Variants in ACBD6 observed in about 807,000 individuals in gnomAD.
The protein encoded by ACBD6 is acyl-CoA-binding domain-containing protein 6.
A neutral mutation model predicts 37.2 loss-of-function variants in ACBD6; 28 were observed. The observed-to-expected ratio is 0.75, with a 90% CI of 0.56 to 1.03. The LOEUF is 1.03. Ranked by LOEUF, ACBD6 falls within the 50% of genes least tolerant of loss-of-function variation. The probability of loss-of-function intolerance (pLI) is 0.00; values close to 1 mark genes in which losing one functional copy is unlikely to be tolerated. For synonymous variants in ACBD6, 113 were observed against 126.8 expected, an observed-to-expected ratio of 0.89 and a Z score of 0.73; for missense variants, 340 against 337.4, an observed-to-expected ratio of 1.01 and a Z score of -0.06.
intron 6 of ACBD6, among the ~76,000 whole-genome samples, chr1:180,322,612 T>C (rs1488406562): frequency 1.3e-5 from 2 of 152,076 alleles, no homozygotes; most frequent in East Asian, 1.9e-4. Flanking sequence ...ATTTCCCCAT[T>C]TTCTCTAGAT....
chr1:180,285,043 G>A (rs142349819), downstream of ACBD6, among the ~76,000 whole-genome samples: 398 of 152,208 alleles, frequency 2.6e-3, no homozygotes, highest in African/African-American at 9.3e-3. Flanking sequence ...GGCTGAGGTG[G>A]GAGGATTGCT....
At chr1:180,475,626 C>T (rs1650749003) in intron 3 of ACBD6, among the ~76,000 whole-genome samples, 1 of 152,136 alleles carries the variant, frequency 6.6e-6, no homozygotes, top group African/African-American at 2.4e-5. Context: ...CTCAAGCAGT[C>T]CTCCCATCCT....
At chr1:180,473,371 C>T (rs1650645438) in intron 3 of ACBD6, among the ~76,000 whole-genome samples, 2 of 143,886 alleles carry the variant, frequency 1.4e-5, no homozygotes, top group African/African-American at 2.5e-5. Flanking sequence ...GGCGTGAACC[C>T]GGGAGGCGGA....
At chr1:180,424,895 G>GCTCTTTC (rs1648521005) in intron 4 of ACBD6, among the ~76,000 whole-genome samples, 2 of 152,158 alleles carry the variant, frequency 1.3e-5, no homozygotes, top group African/African-American at 4.8e-5. Flanking sequence ...GGAGGTAAAT[G>GCTCTTTC]AAGCACGCTA....
chr1:180,430,170 G>C lies in ACBD6; in HGVS notation c.467+10C>G. 1 of 1,607,820 alleles carries C rather than the reference G, an allele frequency of 6.2e-7. No individual in the cohort carries two copies. The highest frequency in any genetic ancestry group is 8.5e-7 in the Non-Finnish European group (1 of 1,175,068). On this transcript the variant is annotated intron_variant, in intron 4 of 7. Transcript: ENST00000367595. ...ATATTTCTATTATCAAAGATCAGAA[G>C]AGAAATTACCTGATGGTTTCTTCAT...
At chr1:180,422,207 TTTTC>T (rs1648397337) in intron 4 of ACBD6, among the ~76,000 whole-genome samples, 1 of 149,836 alleles carries the variant, frequency 6.7e-6, no homozygotes, top group South Asian at 2.1e-4. Context: ...CCCTTTTCTT[TTTTC>T]TTTTTTTTTT....
chr1:180,396,308 G>A lies in ACBD6; in HGVS notation c.663+1208C>T, dbSNP rs945361472. Reference sequence around the variant, plus strand: ...TAAAATGGTAAATTTTATGCTATGAGTATTTTACCACAATAAAAAAGAGGA... The same window carrying A: ...TAAAATGGTAAATTTTATGCTATGAATATTTTACCACAATAAAAAAGAGGA... On this transcript the variant is annotated intron_variant, in intron 6 of 7. Coordinates refer to ENST00000367595, the MANE Select transcript of ACBD6 (RefSeq NM_032360.4). Among the ~76,000 whole-genome samples the A allele has an allele frequency of 4.3e-4, 65 of 152,116 alleles. 3 individuals are homozygous for A. The highest frequency in any genetic ancestry group is 4.4e-5 in the Non-Finnish European group (3 of 68,034).
chr1:180,480,850 G>T (rs1314109100), intron 3 of ACBD6, among the ~76,000 whole-genome samples: 1 of 152,136 alleles, frequency 6.6e-6, no homozygotes, highest in Non-Finnish European at 1.5e-5. Flanking sequence ...AACCGACATG[G>T]TGAGGCCTTG....
At chr1:180,343,848 C>T (rs13373944) in intron 6 of ACBD6, among the ~76,000 whole-genome samples, 22,690 of 152,130 alleles carry the variant, frequency 0.15, 1,827 homozygotes, top group Middle Eastern at 0.22. Context: ...GCAGGTGAAT[C>T]GCTTGAGCCC....
At chr1:180,459,430 A>G (rs1650045814) in intron 3 of ACBD6, among the ~76,000 whole-genome samples, 1 of 152,212 alleles carries the variant, frequency 6.6e-6, no homozygotes, top group African/African-American at 2.4e-5. Flanking sequence ...ACTCAGCTCT[A>G]ATTAGGTCCT....
At chr1:180,425,490 T>G (rs1219879530) in intron 4 of ACBD6, among the ~76,000 whole-genome samples, 1 of 152,160 alleles carries the variant, frequency 6.6e-6, no homozygotes, top group Non-Finnish European at 1.5e-5. Context: ...GCCAAACAGA[T>G]GGAGGGAAGC....
chr1:180,431,450 T>C (rs1648809688), intron 3 of ACBD6, among the ~76,000 whole-genome samples: 1 of 152,210 alleles, frequency 6.6e-6, no homozygotes, highest in African/African-American at 2.4e-5. Flanking sequence ...CAGATTTCTC[T>C]GTGCTCTGAG....
At chr1:180,429,623 G>A (rs1163249503) in intron 4 of ACBD6, among the ~76,000 whole-genome samples, 1 of 152,100 alleles carries the variant, frequency 6.6e-6, no homozygotes, top group East Asian at 1.9e-4. Context: ...AGAATTGGTG[G>A]ATCATATGGT....
intron 7 of ACBD6, among the ~76,000 whole-genome samples, chr1:180,298,027 G>C (rs1312552222): frequency 1.3e-5 from 2 of 152,226 alleles, no homozygotes; most frequent in Non-Finnish European, 2.9e-5. Flanking sequence ...TAACAGGCAT[G>C]AGCCACTGTG....
chr1:180,362,646 G>A (rs1652893432), intron 6 of ACBD6, among the ~76,000 whole-genome samples: 1 of 151,998 alleles, frequency 6.6e-6, no homozygotes, highest in East Asian at 1.9e-4. Flanking sequence ...TTCTTTCTTA[G>A]CTGTTGGCAA....
intron 4 of ACBD6, among the ~76,000 whole-genome samples, chr1:180,424,867 C>A (rs889088630): frequency 1.3e-5 from 2 of 152,116 alleles, no homozygotes; most frequent in African/African-American, 4.8e-5. Context: ...TGGTTGGCAT[C>A]ATGACACTGA....
intron 7 of ACBD6, among the ~76,000 whole-genome samples, chr1:180,294,118 C>T (rs1649823991): frequency 6.6e-6 from 1 of 151,204 alleles, no homozygotes. Context: ...TGATCTCGAA[C>T]TCCTGACCTC....
At chr1:180,353,366 T>C (rs1351794352) in intron 6 of ACBD6, among the ~76,000 whole-genome samples, 2 of 152,312 alleles carry the variant, frequency 1.3e-5, no homozygotes, top group East Asian at 3.9e-4. Flanking sequence ...ATTTTAGATG[T>C]TTTACTCTGT....
chr1:180,402,590 G>C (rs553583667), intron 5 of ACBD6, among the ~76,000 whole-genome samples: 10 of 152,156 alleles, frequency 6.6e-5, no homozygotes, highest in African/African-American at 2.4e-4. Context: ...AGGCCAAAGC[G>C]GGCAAGTATG....
Sources: allele counts gnomAD v4.1 joint callset (sites outside exome capture counted in the v4.1 genomes callset), GRCh38; gene constraint gnomAD v4.1.1; transcripts MANE v1.5; gene names NCBI Gene and HGNC (gene_info 2026-07-23, HGNC 2026-07-21).